OR9A4: variants seen among roughly 807,000 people sequenced by gnomAD.
OR9A4 encodes olfactory receptor family 9 subfamily A member 4, also known as olfactory receptor 9A4.
In OR9A4, 16 loss-of-function variants were observed where a neutral mutation model predicts 17.1. The observed-to-expected ratio is 0.94, with a 90% confidence interval of 0.64 to 1.43. The LOEUF is 1.43. Ranked by LOEUF, OR9A4 falls within the 40% of genes most tolerant of loss-of-function variation. OR9A4 has a pLI of 0.00. For missense variants in OR9A4, 392 were observed against 382.1 expected, an observed-to-expected ratio of 1.03 and a Z score of -0.22; for synonymous variants, 167 against 143.3, an observed-to-expected ratio of 1.17 and a Z score of -1.18.
In OR9A4 at chr7:141,919,278, A is replaced by G; in HGVS notation, c.403A>G (p.Ile135Val). ...AVCNPLRYNI[I>V]MNRHTCNFVV... ...CTGTAACCCTCTGAGGTACAACATC[A>G]TTATGAACAGACACACCTGCAACTT... The change falls in exon 2 of 2, where the codon ATT (isoleucine) becomes GTT (valine). Residue 135 changes from isoleucine (I) to valine (V), a missense_variant. Transcript: ENST00000641559. The G allele has an allele frequency of 6.2e-7, 1 of 1,614,172 alleles. No individual in the cohort carries two copies. The highest frequency in any genetic ancestry group is 1.1e-5 in the South Asian group (1 of 91,088).
intron 1 of OR9A4, among the ~76,000 whole-genome samples, chr7:141,917,479 C>A (rs1212644095): frequency 1.3e-5 from 2 of 152,138 alleles, no homozygotes; most frequent in Admixed American, 1.3e-4. Flanking sequence ...CAGGTGGTCA[C>A]GGAGGAGCAG....
rs1394447588 is a variant in OR9A4 at position 141,919,503 on chromosome 7, T to C, written c.628T>C (p.Ser210Pro). 1.9e-6 allele frequency: 3 copies of C among 1,614,094 alleles called. No homozygotes were observed. The highest frequency in any genetic ancestry group is 4.5e-5 in the East Asian group (2 of 44,896). ...AATGGCTGTTTTTGTTCTCTTTGGTTCTTTGATCCCTACAATTGTCTCCAA... is the reference window on the plus strand; with the variant it reads ...AATGGCTGTTTTTGTTCTCTTTGGTCCTTTGATCCCTACAATTGTCTCCAA... ...FLMAVFVLFG[S>P]LIPTIVSNAY... Residue 210 changes from serine (S) to proline (P), a missense_variant, in exon 2 of 2, where the codon TCT (serine) becomes CCT (proline). Physicochemically the swap from Ser to Pro is moderately conservative, Grantham distance 74. Transcript: ENST00000641559.
chr7:141,918,254 G>A (rs1182655941), intron 1 of OR9A4, among the ~76,000 whole-genome samples: 3 of 152,182 alleles, frequency 2.0e-5, no homozygotes, highest in South Asian at 4.2e-4. Context: ...TTACAGGCGC[G>A]CACCAACATG....
chr7:141,919,066 A>G lies in OR9A4; in HGVS notation c.191A>G (p.His64Arg). ...LQSPMYFFLG[H>R]LSALEILVTT... Reference sequence around the variant, plus strand: ...TCCCCCATGTATTTCTTCCTCGGCCACCTCTCTGCCCTGGAGATCCTGGTC... The same window carrying G: ...TCCCCCATGTATTTCTTCCTCGGCCGCCTCTCTGCCCTGGAGATCCTGGTC... The change falls in exon 2 of 2, where the codon CAC becomes CGC. Residue 64 changes from histidine to arginine, a missense_variant. His to Arg is a conservative substitution (Grantham distance 29). Transcript: ENST00000641559. 6.2e-7 allele frequency: 1 copy of G among 1,614,012 alleles called. No individual in the cohort carries two copies. Among genetic ancestry groups the G allele is most frequent in the Non-Finnish European group, 8.5e-7 (1 of 1,179,998 alleles).
intron 1 of OR9A4, among the ~76,000 whole-genome samples, chr7:141,917,005 G>T (rs1408773304): frequency 2.0e-5 from 3 of 152,092 alleles, no homozygotes; most frequent in Non-Finnish European, 4.4e-5. Context: ...GAAGAGTCAG[G>T]CTGTATAGTC....
rs1802246956 is a variant in OR9A4, at chr7:141,919,567, C to T, written c.692C>T (p.Ser231Phe). Residue 231 changes from serine (S) to phenylalanine (F), a missense_variant, in exon 2 of 2, where the codon TCC (serine) becomes TTC (phenylalanine). By Grantham distance (155) the Ser-to-Phe change is radical (BLOSUM62 -2). Transcript: ENST00000641559. ...IISTILKIPS[S>F]SGRRKSFSTC... ...TCCACCATTCTCAAGATCCCGTCAT[C>T]CTCTGGCCGGAGGAAATCCTTCTCC... 2 of 1,614,082 alleles carry T rather than the reference C, an allele frequency of 1.2e-6. No individual in the cohort carries two copies. Among genetic ancestry groups the T allele is most frequent in the South Asian group, 2.2e-5 (2 of 91,086 alleles).
chr7:141,918,778 T>C (rs1802225384), intron 1 of OR9A4, 68 bp from the exon 2 acceptor site: 3 of 904,934 alleles, frequency 3.3e-6, no homozygotes, highest in Admixed American at 4.7e-5. Flanking sequence ...GAGAGGAATG[T>C]TTTTTCAACC....
Position 141,918,924 on chromosome 7 carries a change from C to G in OR9A4, c.49C>G (p.Pro17Ala). 6.2e-7 allele frequency: 1 copy of G among 1,613,728 alleles called. No individual in the cohort carries two copies. Among genetic ancestry groups the G allele is most frequent in the Non-Finnish European group, 8.5e-7 (1 of 1,179,800 alleles). The change falls in exon 2 of 2, where the codon CCT becomes GCT. Residue 17 changes from proline (P) to alanine (A), a missense_variant. Transcript: ENST00000641559. ...SATEFYLLGF[P>A]GSEELHHILF... Reference sequence around the variant, plus strand: ...CACTGAATTTTATCTCCTTGGCTTCCCTGGCTCTGAAGAACTACATCATAT... The same window carrying G: ...CACTGAATTTTATCTCCTTGGCTTCGCTGGCTCTGAAGAACTACATCATAT...
In OR9A4 at chr7:141,919,664, G is replaced by T. The variant is rs782476466; in HGVS notation, c.789G>T (p.Lys263Asn). Residue 263 changes from lysine (K) to asparagine (N), a missense_variant, in exon 2 of 2, where the codon AAG becomes AAT. Transcript: ENST00000641559. ...GCTTGTTTCTCTACGTGAAACCCAAGCAAACGCAGGCAGCTGATTACAATT... is the reference window on the plus strand; with the variant it reads ...GCTTGTTTCTCTACGTGAAACCCAATCAAACGCAGGCAGCTGATTACAATT... Reference protein sequence around the residue: ...GSCLFLYVKPKQTQAADYNWV... With the variant: ...GSCLFLYVKPNQTQAADYNWV... 2 of 1,614,024 alleles carry T rather than the reference G, an allele frequency of 1.2e-6. No homozygotes were observed. The highest frequency in any genetic ancestry group is 2.7e-5 in the African/African-American group (2 of 74,912).
Position 141,919,472 on chromosome 7 carries a change from C to T in OR9A4, c.597C>T (p.Leu199=), listed in dbSNP as rs189026425. ...ATACTCTTTTCACGGAGTTTATCCT[C>T]TTCTTAATGGCTGTTTTTGTTCTCT... ...CNNTLFTEFI[L]FLMAVFVLFG... The change falls in exon 2 of 2, where the codon CTC becomes CTT. Residue 199 remains leucine (L), a synonymous_variant. Transcript: ENST00000641559. 2 of 1,614,052 alleles carry T rather than the reference C, an allele frequency of 1.2e-6. No homozygotes were observed. The highest frequency in any genetic ancestry group is 1.3e-5 in the African/African-American group (1 of 74,928).
At chr7:141,918,747 G>T in intron 1 of OR9A4, 99 bp from the exon 2 acceptor site, 3 of 666,066 alleles carry the variant, frequency 4.5e-6, no homozygotes, top group African/African-American at 1.8e-5. Flanking sequence ...AGTAGAGTCA[G>T]GTTATGGAGT....
chr7:141,917,449 C>A (rs1426622960), intron 1 of OR9A4, among the ~76,000 whole-genome samples: 1 of 152,126 alleles, frequency 6.6e-6, no homozygotes, highest in East Asian at 1.9e-4. Flanking sequence ...CTTTTTGTTG[C>A]CCCAGGACTC....
intron 1 of OR9A4, among the ~76,000 whole-genome samples, chr7:141,917,286 T>C (rs1802200611): frequency 6.6e-6 from 1 of 152,104 alleles, no homozygotes; most frequent in African/African-American, 2.4e-5. Flanking sequence ...TAACACAGGT[T>C]TGAGAGGAAG....
intron 1 of OR9A4, among the ~76,000 whole-genome samples, chr7:141,917,874 T>A (rs977056604): frequency 3.9e-5 from 6 of 152,070 alleles, no homozygotes; most frequent in African/African-American, 1.4e-4. Context: ...ATTATAAAAA[T>A]AAAAGAGGAA....
At position 141,918,950 on chromosome 7, in the gene OR9A4, C is replaced by A. The variant is rs1441075118; in HGVS notation, c.75C>A (p.Ile25=). 3.1e-6 allele frequency: 5 copies of A among 1,614,104 alleles called. No homozygotes were observed. The highest frequency in any genetic ancestry group is 4.2e-6 in the Non-Finnish European group (5 of 1,180,004). Residue 25 remains isoleucine, a synonymous_variant, in exon 2 of 2, where the codon ATC becomes ATA. Transcript: ENST00000641559. ...GFPGSEELHH[I]LFAIFFFFYL... The stretch of plus-strand genomic sequence containing the variant: ...CTGGCTCTGAAGAACTACATCATAT[C>A]CTTTTTGCTATATTCTTCTTTTTCT...
chr7:141,919,968 C>T lies in OR9A4; in HGVS notation c.*148C>T, dbSNP rs942430944. ...ACAAAATACTTTTAAGTTACAGCTACGGTTTTTAGTATGCTTAGTTGTTAC... is the reference window on the plus strand; with the variant it reads ...ACAAAATACTTTTAAGTTACAGCTATGGTTTTTAGTATGCTTAGTTGTTAC... On this transcript the variant is annotated 3_prime_UTR_variant, in exon 2 of 2. Coordinates refer to ENST00000641559, the MANE Select transcript of OR9A4 (RefSeq NM_001001656.3). 5 of 616,686 alleles carry T rather than the reference C, an allele frequency of 8.1e-6. No individual in the cohort carries two copies. The highest frequency in any genetic ancestry group is 5.6e-5 in the East Asian group (2 of 35,610). The allele number at this position is 616,686 out of a possible 1,614,324, so 38.2% of individuals were successfully genotyped here.
At chr7:141,918,801 A>G in intron 1 of OR9A4, 45 bp from the exon 2 acceptor site, 1 of 1,111,070 alleles carries the variant, frequency 9.0e-7, no homozygotes, top group Non-Finnish European at 1.3e-6. Context: ...AAATGTCCTT[A>G]ATCTTTTTAG....
chr7:141,919,226 A>G lies in OR9A4; in HGVS notation c.351A>G (p.Ala117=). 1.1e-5 allele frequency: 17 copies of G among 1,614,136 alleles called. No individual in the cohort carries two copies. Among genetic ancestry groups the G allele is most frequent in the Non-Finnish European group, 1.4e-5 (17 of 1,180,034 alleles). ...VGTTEFALLG[A]MAVDRYVAVC... ...CAACAGAGTTCGCATTACTTGGAGC[A>G]ATGGCTGTGGACCGTTATGTGGCTG... is the stretch of plus-strand genomic sequence containing the variant. Residue 117 remains alanine (A), a synonymous_variant, in exon 2 of 2, where the codon GCA becomes GCG. Coordinates refer to ENST00000641559, the MANE Select transcript of OR9A4 (RefSeq NM_001001656.3).
At chr7:141,917,818 C>T (rs371202745) in intron 1 of OR9A4, among the ~76,000 whole-genome samples, 5 of 152,174 alleles carry the variant, frequency 3.3e-5, no homozygotes, top group South Asian at 4.1e-4. Flanking sequence ...ACTCTGTCTG[C>T]GTGGGGGAGA....
Sources: gnomAD v4.1 joint callset for allele counts (sites outside exome capture counted in the v4.1 genomes callset) on GRCh38, gnomAD v4.1.1 for gene constraint, MANE v1.5 for transcripts, NCBI Gene and HGNC (gene_info 2026-07-23, HGNC 2026-07-21) for gene names.